The following HERC2 variants were observed in gnomAD, a reference collection of about 807,000 sequenced individuals.
HERC2 encodes E3 ubiquitin-protein ligase HERC2.
In HERC2, 102 loss-of-function variants were observed where a neutral mutation model predicts 537.7. That is an observed-to-expected ratio of 0.19 (90% CI 0.16 to 0.22). HERC2 has a LOEUF of 0.22. HERC2 is among the 10% of genes least tolerant of loss of function. The probability of loss-of-function intolerance (pLI) is 1.00; values close to 1 mark genes in which losing one functional copy is unlikely to be tolerated. For synonymous variants in HERC2, 2,224 were observed against 2,466.2 expected (o/e 0.90, Z 2.91); for missense variants, 4,236 against 6,198.2 (o/e 0.68, Z 10.63).
chr15:28,228,301 G>A lies in HERC2; in HGVS notation c.5381C>T (p.Thr1794Ile). Residue 1794 changes from threonine (T) to isoleucine (I), a missense_variant, in exon 35 of 93, where the codon ACC becomes ATC. Transcript: ENST00000261609. The part of the protein sequence containing the change: ...RFLLVMLSML[T>I]LQHGANNLDL... ...GAGGTTGTTTGCGCCGTGCTGCAGG[G>A]TGAGCATGCTGAGCATCACCAGGAG... 2 of 1,612,856 alleles carry A rather than the reference G, an allele frequency of 1.2e-6. No homozygotes were observed. Among genetic ancestry groups the A allele is most frequent in the Admixed American group, 1.7e-5 (1 of 60,016 alleles).
rs146102419 is a variant in HERC2, at chr15:28,179,713, T to C, written c.8938-490A>G. On this transcript the variant is annotated intron_variant, in intron 57 of 92. Coordinates refer to ENST00000261609, the MANE Select transcript of HERC2 (RefSeq NM_004667.6). ...GTCACAGGAAAGGACAGCTAGCTCC[T>C]TTGTGGGGGTGAAAGAGAGCAACAC... Among the ~76,000 whole-genome samples the C allele has an allele frequency of 4.2e-3, 647 of 152,316 alleles. 7 individuals are homozygous for C. The highest frequency in any genetic ancestry group is 0.015 in the African/African-American group (608 of 41,576).
intron 14 of HERC2, among the ~76,000 whole-genome samples, chr15:28,264,108 G>A (rs2075495809): frequency 6.6e-6 from 1 of 151,094 alleles, no homozygotes; most frequent in Non-Finnish European, 1.5e-5. Context: ...AAAGAAACCA[G>A]AGAAGATATC....
intron 23 of HERC2, among the ~76,000 whole-genome samples, chr15:28,244,561 G>A (rs1202399681): frequency 2.0e-5 from 3 of 152,092 alleles, no homozygotes; most frequent in Non-Finnish European, 4.4e-5. Context: ...TCAATTACAG[G>A]TATCTACTAG....
At chr15:28,131,758 T>C (rs530375540) in intron 81 of HERC2, among the ~76,000 whole-genome samples, 32 of 152,164 alleles carry the variant, frequency 2.1e-4, no homozygotes, top group African/African-American at 7.7e-4. Flanking sequence ...TCCACACCAC[T>C]GTAAACTGAG....
chr15:28,286,701 C>T (rs1410266534), intron 4 of HERC2, among the ~76,000 whole-genome samples: 1 of 152,156 alleles, frequency 6.6e-6, no homozygotes, highest in Non-Finnish European at 1.5e-5. Flanking sequence ...ATTTACACGG[C>T]AGAGAGAATC....
At chr15:28,121,870 G>A (rs959662751) in intron 85 of HERC2, among the ~76,000 whole-genome samples, 2 of 151,550 alleles carry the variant, frequency 1.3e-5, no homozygotes, top group African/African-American at 2.4e-5. Flanking sequence ...AGGGAGCACC[G>A]CGGAGCCAGC....
At chr15:28,285,565 A>C (rs1186814098) in intron 4 of HERC2, among the ~76,000 whole-genome samples, 1 of 152,102 alleles carries the variant, frequency 6.6e-6, no homozygotes, top group African/African-American at 2.4e-5. Context: ...AGAAATTTAC[A>C]GCACTAAATA....
chr15:28,174,891 C>G (rs904222260), intron 64 of HERC2, among the ~76,000 whole-genome samples: 6 of 152,076 alleles, frequency 3.9e-5, no homozygotes, highest in Non-Finnish European at 8.8e-5. Context: ...GCAAGACACA[C>G]AGAAGGTCCT....
intron 20 of HERC2, among the ~76,000 whole-genome samples, chr15:28,250,556 T>A (rs2075041806): frequency 1.3e-5 from 2 of 152,248 alleles, no homozygotes; most frequent in Admixed American, 1.3e-4. Context: ...TTTTCAAATG[T>A]AAATGGTATT....
In HERC2 at chr15:28,124,124, G is replaced by A. The variant is rs760196848; in HGVS notation, c.13101C>T (p.Phe4367=). 66 of 1,605,710 alleles carry A rather than the reference G, an allele frequency of 4.1e-5. No individual in the cohort carries two copies. In the South Asian group the frequency reaches 6.1e-4, roughly 15 times the overall value. Residue 4367 remains phenylalanine (F), a synonymous_variant, in exon 85 of 93, where the codon TTC becomes TTT. Transcript: ENST00000261609. ...SELFCPCIPM[F]DLEGSLDETG... is the part of the protein sequence containing the mutation. Reference sequence around the variant, plus strand: ...TTTCGTCGAGCGAGCCTTCCAGGTCGAACATGGGGATGCAGGGGCAGAAGA... The same window carrying A: ...TTTCGTCGAGCGAGCCTTCCAGGTCAAACATGGGGATGCAGGGGCAGAAGA...
At chr15:28,171,695 T>C (rs1894711322) in intron 65 of HERC2, among the ~76,000 whole-genome samples, 1 of 152,082 alleles carries the variant, frequency 6.6e-6, no homozygotes, top group Non-Finnish European at 1.5e-5. Flanking sequence ...GCAATCTGAA[T>C]ATTCCCATAC....
chr15:28,224,288 C>A (rs1596274655), intron 35 of HERC2, among the ~76,000 whole-genome samples: 1 of 151,932 alleles, frequency 6.6e-6, no homozygotes, highest in African/African-American at 2.4e-5. Flanking sequence ...GTGGCTTTAT[C>A]TCCGCTCACT....
In HERC2 at chr15:28,231,486, G is replaced by A. The variant is rs144864205; in HGVS notation, c.4676-986C>T. 7.4e-3 allele frequency among the ~76,000 whole-genome samples: 1,126 copies of A among 152,280 alleles called. 8 individuals carry two copies. The highest frequency in any genetic ancestry group is 0.018 in the South Asian group (87 of 4,824). Reference sequence around the variant, plus strand: ...GGTCAGTCACATGGGCACTGCCTGCGTATGTGACTGGCCCCCAACAAAATC... The same window carrying A: ...GGTCAGTCACATGGGCACTGCCTGCATATGTGACTGGCCCCCAACAAAATC... On this transcript the variant is annotated intron_variant, in intron 30 of 92. Transcript: ENST00000261609.
Position 28,296,245 on chromosome 15 carries a change from G to A in HERC2, c.187+3157C>T, listed in dbSNP as rs2076466224. Among the ~76,000 whole-genome samples the A allele has an allele frequency of 3.9e-5, 6 of 152,148 alleles. No individual in the cohort carries two copies. The South Asian group carries it at 1.2e-3, about 32-fold the overall frequency. ...AAACCCCACACTTTGGGAGGCCGAGGTGGGCAGATCATGAGGTCAGGAGTT... is the reference window on the plus strand; with the variant it reads ...AAACCCCACACTTTGGGAGGCCGAGATGGGCAGATCATGAGGTCAGGAGTT... On this transcript the variant is annotated intron_variant, in intron 3 of 92. Coordinates refer to ENST00000261609, the MANE Select transcript of HERC2 (RefSeq NM_004667.6).
chr15:28,116,888 C>A lies in HERC2; in HGVS notation c.13415-29G>T, dbSNP rs1566908678. 1.9e-6 allele frequency: 3 copies of A among 1,608,066 alleles called. No individual in the cohort carries two copies. The Admixed American group carries it at 5.0e-5, about 27-fold the overall frequency. ...CAGGGGAGAAGCAGCCACTCGAAGT[C>A]CCCTCACACAGTCCTGTGTAAAGAG... On this transcript the variant is annotated intron_variant, in intron 87 of 92. Coordinates refer to ENST00000261609, the MANE Select transcript of HERC2 (RefSeq NM_004667.6).
chr15:28,288,235 T>C (rs543393483), intron 4 of HERC2, among the ~76,000 whole-genome samples: 30 of 152,188 alleles, frequency 2.0e-4, no homozygotes, highest in African/African-American at 6.7e-4. Flanking sequence ...AATGGTAAAA[T>C]GTAAGTTAAC....
intron 43 of HERC2, among the ~76,000 whole-genome samples, chr15:28,212,235 T>A (rs1250748382): frequency 6.6e-6 from 1 of 152,116 alleles, no homozygotes; most frequent in African/African-American, 2.4e-5. Context: ...GTTCTTCAAG[T>A]GTGGCTCCGA....
chr15:28,192,561 T>A (rs1222231407), intron 52 of HERC2, among the ~76,000 whole-genome samples: 1 of 152,182 alleles, frequency 6.6e-6, no homozygotes, highest in East Asian at 1.9e-4. Flanking sequence ...GCATTCCCCA[T>A]CAAAGACAAC....
At chr15:28,132,543 C>T in intron 80 of HERC2, 110 bp downstream of exon 80, 3 of 1,094,266 alleles carry the variant, frequency 2.7e-6, no homozygotes, top group Non-Finnish European at 3.7e-6. Flanking sequence ...ATACAGTGGG[C>T]CTTCTAGAAG....
Sources: gnomAD v4.1 joint callset for allele counts (sites outside exome capture counted in the v4.1 genomes callset) on GRCh38, gnomAD v4.1.1 for gene constraint, MANE v1.5 for transcripts, NCBI Gene and HGNC (gene_info 2026-07-23, HGNC 2026-07-21) for gene names.